Variants in FHOD3 observed in about 807,000 individuals in gnomAD.
FHOD3 encodes FH1/FH2 domain-containing protein 3.
FHOD3 carries 90 observed loss-of-function variants against 173.0 expected under a neutral mutation model. The ratio of observed to expected loss-of-function variants is 0.52; its 90% confidence interval spans 0.44 to 0.62. The LOEUF is 0.62. FHOD3 is among the 20% of genes least tolerant of loss of function. FHOD3 has a pLI of 0.00. For synonymous variants in FHOD3, 828 were observed against 823.0 expected (o/e 1.01, Z -0.10); for missense variants, 1,945 against 2,034.7 (o/e 0.96, Z 0.85).
At chr18:36,660,768 C>A (rs1380367288) in intron 14 of FHOD3, among the ~76,000 whole-genome samples, 1 of 152,170 alleles carries the variant, frequency 6.6e-6, no homozygotes, top group African/African-American at 2.4e-5. Flanking sequence ...CTCAGCAGTC[C>A]TTGGCTTGAA....
chr18:36,450,455 A>G (rs957541229), intron 3 of FHOD3, among the ~76,000 whole-genome samples: 1 of 122,924 alleles, frequency 8.1e-6, no homozygotes, highest in Non-Finnish European at 1.6e-5. Flanking sequence ...TTATTTATTT[A>G]TTTATTTATT....
Position 36,735,428 on chromosome 18 carries a change from T to C in FHOD3, c.3576+4624T>C, listed in dbSNP as rs543181305. On this transcript the variant is annotated intron_variant, in intron 20 of 28. Transcript: ENST00000590592. Reference sequence around the variant, plus strand: ...CTGTTAATTTGCATTTATGGTTGAATTTATTCACTATTAATTTGAATCCCT... The same window carrying C: ...CTGTTAATTTGCATTTATGGTTGAACTTATTCACTATTAATTTGAATCCCT... Among the ~76,000 whole-genome samples, 10 of 152,324 alleles carry C rather than the reference T, an allele frequency of 6.6e-5. No homozygotes were observed. In the East Asian group the frequency reaches 1.7e-3, roughly 26 times the overall value.
At chr18:36,532,318 A>G (rs965408997) in intron 5 of FHOD3, among the ~76,000 whole-genome samples, 3 of 152,104 alleles carry the variant, frequency 2.0e-5, no homozygotes, top group Admixed American at 6.5e-5. Context: ...GTGTTTAGGA[A>G]ACTCCAGGAC....
chr18:36,326,538 C>T (rs1030901560), intron 1 of FHOD3, among the ~76,000 whole-genome samples: 1 of 151,976 alleles, frequency 6.6e-6, no homozygotes, highest in African/African-American at 2.4e-5. Context: ...GAGGCTGAGG[C>T]GGGAGGATCT....
At chr18:36,733,940 G>A (rs996404520) in intron 20 of FHOD3, among the ~76,000 whole-genome samples, 1 of 152,194 alleles carries the variant, frequency 6.6e-6, no homozygotes, top group African/African-American at 2.4e-5. Context: ...CTTGAATCCA[G>A]AATGCAGGCT....
chr18:36,517,624 C>T (rs941474970), intron 5 of FHOD3, among the ~76,000 whole-genome samples: 1 of 152,114 alleles, frequency 6.6e-6, no homozygotes, highest in African/African-American at 2.4e-5. Context: ...TCATCTAAAC[C>T]AAAATACCAA....
intron 5 of FHOD3, among the ~76,000 whole-genome samples, chr18:36,538,814 T>G (rs6507173): frequency 0.81 from 123,152 of 152,150 alleles, 49,933 homozygotes; most frequent in African/African-American, 0.84. Flanking sequence ...AGCATGAGAG[T>G]GTTCTTTGTG....
At position 36,744,154 on chromosome 18, in the gene FHOD3, T is replaced by A; in HGVS notation, c.4002T>A (p.Asp1334Glu). The change falls in exon 23 of 29, where the codon GAT becomes GAA. Residue 1334 changes from aspartate to glutamate, a missense_variant. Asp to Glu is a conservative substitution (Grantham distance 45, BLOSUM62 2). Transcript: ENST00000590592. ...TAGAAAACTTCCCAGACAGCTCCGA[T>A]CTGTACTCGGAGATCGGGGCCATCA... ...MVVENFPDSS[D>E]LYSEIGAITR... The A allele has an allele frequency of 1.2e-6, 2 of 1,614,112 alleles. No homozygotes were observed. The highest frequency in any genetic ancestry group is 1.7e-6 in the Non-Finnish European group (2 of 1,180,008).
chr18:36,443,195 T>G (rs1020415728), intron 3 of FHOD3, among the ~76,000 whole-genome samples: 1 of 152,232 alleles, frequency 6.6e-6, no homozygotes. Context: ...TCTGAAATTA[T>G]GTAAACATCC....
At chr18:36,311,705 C>T (rs957377633) in intron 1 of FHOD3, among the ~76,000 whole-genome samples, 2 of 152,168 alleles carry the variant, frequency 1.3e-5, no homozygotes, top group South Asian at 2.1e-4. Context: ...CCACTCCCAA[C>T]GTGGATCCTC....
chr18:36,688,098 C>G (rs1416511968), intron 16 of FHOD3, among the ~76,000 whole-genome samples: 3 of 152,156 alleles, frequency 2.0e-5, no homozygotes, highest in Admixed American at 2.0e-4. Context: ...ATAAAAGATA[C>G]AAAGATGTTC....
At chr18:36,683,484 G>T (rs972390090) in intron 15 of FHOD3, among the ~76,000 whole-genome samples, 2 of 152,148 alleles carry the variant, frequency 1.3e-5, no homozygotes, top group African/African-American at 4.8e-5. Context: ...ATATAAAAGA[G>T]AGCAGGTGAA....
rs192787318 is a variant in FHOD3, at chr18:36,506,596, C to T, written c.405+4597C>T. Among the ~76,000 whole-genome samples, 139 of 152,246 alleles carry T rather than the reference C, an allele frequency of 9.1e-4. 4 individuals are homozygous for T. The East Asian group carries it at 0.023, about 25-fold the overall frequency. On this transcript the variant is annotated intron_variant, in intron 4 of 28. Transcript: ENST00000590592. ...GAAGTTTTTAACATTGGTGAAGAGGCCCCAGTTGTTCATTCATGAACCAAT... is the reference window on the plus strand; with the variant it reads ...GAAGTTTTTAACATTGGTGAAGAGGTCCCAGTTGTTCATTCATGAACCAAT...
At chr18:36,692,966 T>C in intron 16 of FHOD3, 1 of 562,560 alleles carries the variant, frequency 1.8e-6, no homozygotes, top group African/African-American at 1.9e-5. Flanking sequence ...TGATCCAGTA[T>C]CTAGGGACTG....
intron 5 of FHOD3, among the ~76,000 whole-genome samples, chr18:36,548,537 A>C (rs145991320): frequency 6.6e-6 from 1 of 152,226 alleles, no homozygotes; most frequent in Non-Finnish European, 1.5e-5. Context: ...TAGTGGCTGC[A>C]TCCAGTACTC....
chr18:36,700,009 T>C (rs1222692481), intron 17 of FHOD3, among the ~76,000 whole-genome samples: 2 of 152,178 alleles, frequency 1.3e-5, no homozygotes, highest in Non-Finnish European at 2.9e-5. Flanking sequence ...TCGCGTGCAT[T>C]TCTCATTGTT....
At chr18:36,548,563 A>C (rs1276425384) in intron 5 of FHOD3, among the ~76,000 whole-genome samples, 6 of 152,334 alleles carry the variant, frequency 3.9e-5, no homozygotes, top group East Asian at 1.9e-4. Flanking sequence ...AGTCTGCTTC[A>C]ACGACTTGGG....
At chr18:36,479,250 T>A (rs2053751898) in intron 3 of FHOD3, among the ~76,000 whole-genome samples, 1 of 152,204 alleles carries the variant, frequency 6.6e-6, no homozygotes. Context: ...TTAAAGAAGT[T>A]TATCTGATTT....
chr18:36,330,262 T>G (rs140483023), intron 1 of FHOD3, among the ~76,000 whole-genome samples: 1 of 152,168 alleles, frequency 6.6e-6, no homozygotes, highest in Non-Finnish European at 1.5e-5. Flanking sequence ...GTGAATAACA[T>G]GTAAGCTTCT....
Sources: allele counts gnomAD v4.1 joint callset (sites outside exome capture counted in the v4.1 genomes callset), GRCh38; gene constraint gnomAD v4.1.1; transcripts MANE v1.5; gene names NCBI Gene and HGNC (gene_info 2026-07-23, HGNC 2026-07-21).